The following GID8 variants were observed in gnomAD, a reference collection of about 807,000 sequenced individuals.
GID8 encodes the protein glucose-induced degradation protein 8 homolog.
GID8 carries 6 observed loss-of-function variants against 27.4 expected under a neutral mutation model. The ratio of observed to expected loss-of-function variants is 0.22; its 90% CI spans 0.12 to 0.43. GID8 has a LOEUF of 0.43. GID8 is among the 20% of genes least tolerant of loss of function. GID8 has a pLI of 1.00. For missense variants in GID8, 173 were observed against 287.6 expected (o/e 0.60, Z 2.88); for synonymous variants, 112 against 109.0 (o/e 1.03, Z -0.17).
chr20:62,944,602 G>A (rs924226979), intron 4 of GID8, 137 bp from the exon 5 acceptor site: 33 of 665,430 alleles, frequency 5.0e-5, no homozygotes, highest in African/African-American at 2.7e-4. Context: ...GCTTCCCCAG[G>A]CAAGGACTAT....
chr20:62,943,616 C>G lies in GID8; in HGVS notation c.437C>G (p.Thr146Ser). The G allele has an allele frequency of 6.2e-7, 1 of 1,613,850 alleles. No individual in the cohort carries two copies. Among genetic ancestry groups the G allele is most frequent in the South Asian group, 1.1e-5 (1 of 91,084 alleles). Residue 146 changes from threonine (T) to serine (S), a missense_variant, in exon 4 of 5, where the codon ACC becomes AGC. By Grantham distance (58) the Thr-to-Ser change is moderately conservative. Coordinates refer to ENST00000266069, the MANE Select transcript of GID8 (RefSeq NM_017896.3). This position sits in a 1 kb window ranked among gnomAD's most constrained non-coding sequence, Gnocchi z 4.7. ...SRECLTEMER[T>S]LALLAFDSPE... ...GAGTGCCTCACAGAGATGGAGCGTACCCTGGCACTGCTGGCCTTTGACAGT... is the reference window on the plus strand; with the variant it reads ...GAGTGCCTCACAGAGATGGAGCGTAGCCTGGCACTGCTGGCCTTTGACAGT...
In GID8 at chr20:62,945,380, A is replaced by G. The variant is rs1174156611; in HGVS notation, c.*468A>G. The G allele has an allele frequency of 1.0e-6, 1 of 979,248 alleles. No homozygotes were observed. The highest frequency in any genetic ancestry group is 4.7e-5 in the South Asian group (1 of 21,498). 60.7% of individuals were successfully genotyped at this position (979,248 alleles called of 1,614,324 possible). ...TGTTTTTTTTTTTTTCTTTTTCCAT[A>G]GGAAAGAATATATAAATTTGTAAAT... On this transcript the variant is annotated 3_prime_UTR_variant, in exon 5 of 5. Transcript: ENST00000266069.
intron 2 of GID8, among the ~76,000 whole-genome samples, chr20:62,942,713 A>G (rs2065448817): frequency 6.6e-6 from 1 of 152,218 alleles, no homozygotes; most frequent in South Asian, 2.1e-4. Flanking sequence ...AGCCCACACC[A>G]ACACACTGGG....
In GID8 at chr20:62,945,485, G is replaced by A; in HGVS notation, c.*573G>A. 1 of 1,020,246 alleles carries A rather than the reference G, an allele frequency of 9.8e-7. No homozygotes were observed. The highest frequency in any genetic ancestry group is 3.6e-5 in the South Asian group (1 of 27,412). 63.2% of individuals were successfully genotyped at this position (1,020,246 alleles called of 1,614,324 possible). On this transcript the variant is annotated 3_prime_UTR_variant, in exon 5 of 5. Transcript: ENST00000266069. ...TTGGTCTGGGTTGTGTGGCTTTTGG[G>A]GGATGCGTGTGAGGGGGCTATGTGT... is the stretch of plus-strand genomic sequence containing the variant.
At position 62,944,765 on chromosome 20, in the gene GID8, G is replaced by C. The variant is rs1046567908; in HGVS notation, c.540G>C (p.Val180=). 5.0e-6 allele frequency: 8 copies of C among 1,613,762 alleles called. No homozygotes were observed. The highest frequency in any genetic ancestry group is 5.9e-6 in the Non-Finnish European group (7 of 1,179,788). The change falls in exon 5 of 5, where the codon GTG becomes GTC. Residue 180 remains valine, a synonymous_variant. Transcript: ENST00000266069. ...QKVWSEVNQA[V]LDYENRESTP... ...TGTGGAGTGAAGTTAACCAAGCTGTGCTAGATTATGAAAATCGCGAGTCAA... is the reference window on the plus strand; with the variant it reads ...TGTGGAGTGAAGTTAACCAAGCTGTCCTAGATTATGAAAATCGCGAGTCAA...
Position 62,946,174 on chromosome 20 carries a change from G to A in GID8, c.*1262G>A. ...CGTGGAATTGCTGACCCATCCAAGG[G>A]CGTCCTTTGGAGCCAGTGGAGCCTG... On this transcript the variant is annotated 3_prime_UTR_variant, in exon 5 of 5. Transcript: ENST00000266069. The A allele has an allele frequency of 2.1e-6, 1 of 482,078 alleles. No homozygotes were observed. The highest frequency in any genetic ancestry group is 3.4e-6 in the Non-Finnish European group (1 of 292,792). 29.9% of individuals were successfully genotyped at this position (482,078 alleles called of 1,614,324 possible).
chr20:62,939,688 C>G (rs1237321182), intron 1 of GID8, among the ~76,000 whole-genome samples: 1 of 152,074 alleles, frequency 6.6e-6, no homozygotes, highest in African/African-American at 2.4e-5. Flanking sequence ...TGACTCTGGC[C>G]AAAGCATCTT....
At position 62,941,617 on chromosome 20, in the gene GID8, A is replaced by AC; in HGVS notation, c.116dup (p.Glu40ArgfsTer4). On this transcript the variant is annotated frameshift_variant, in exon 2 of 5. Transcript: ENST00000266069. LOFTEE classifies it high-confidence loss of function. ...CCGCCTCATCATGAACTACCTGGTC[A>AC]CAGGTAATGGCTTACAGTGAGGATG... 2.7e-6 allele frequency: 4 copies of AC among 1,497,982 alleles called. No individual in the cohort carries two copies. The highest frequency in any genetic ancestry group is 3.7e-6 in the Non-Finnish European group (4 of 1,073,716). 92.8% of individuals were successfully genotyped at this position (1,497,982 alleles called of 1,614,324 possible).
chr20:62,939,183 C>T (rs943697073), intron 1 of GID8, among the ~76,000 whole-genome samples: 3 of 152,098 alleles, frequency 2.0e-5, no homozygotes, highest in Admixed American at 6.5e-5. Flanking sequence ...AAAAGTTGGT[C>T]TCAGTGAGTT....
At chr20:62,941,331 T>G (rs989507480) in intron 1 of GID8, among the ~76,000 whole-genome samples, 160 bp from the exon 2 acceptor site, 1 of 152,270 alleles carries the variant, frequency 6.6e-6, no homozygotes. Context: ...TATTCTTTGC[T>G]AAGCATTGGC....
rs958416060 is a variant in GID8 at position 62,943,472 on chromosome 20, A to G, written c.316-23A>G. ...CCCTGGCCTGGGTGTGTGGGGGTCA[A>G]GCTTGTCTGTCTCTGCCTCCAGCAA... On this transcript the variant is annotated intron_variant, in intron 3 of 4. Transcript: ENST00000266069. This position sits in a 1 kb window ranked among gnomAD's most constrained non-coding sequence, Gnocchi z 4.7. 1.2e-6 allele frequency: 2 copies of G among 1,609,336 alleles called. No homozygotes were observed. The highest frequency in any genetic ancestry group is 2.7e-5 in the African/African-American group (2 of 74,810).
In GID8 at chr20:62,943,107, A is replaced by G; in HGVS notation, c.239A>G (p.Gln80Arg). 9.9e-6 allele frequency: 16 copies of G among 1,614,110 alleles called. No homozygotes were observed. Among genetic ancestry groups the G allele is most frequent in the Non-Finnish European group, 1.4e-5 (16 of 1,179,920 alleles). Residue 80 changes from glutamine (Q) to arginine (R), a missense_variant, in exon 3 of 5, where the codon CAG (glutamine) becomes CGG (arginine). Transcript: ENST00000266069. The surrounding 1 kb of genome is among the most constrained non-coding windows in gnomAD (Gnocchi z 4.7). ...GAGATGATACTGAAAGGTCAGATTC[A>G]GGAGGCCATCGCCTTGATCAACAGC... is the stretch of plus-strand genomic sequence containing the variant. ...IREMILKGQIQEAIALINSLH... is the reference protein window; with the variant it reads ...IREMILKGQIREAIALINSLH...
chr20:62,942,958 C>G, intron 2 of GID8, 29 bp from the exon 3 acceptor site: 1 of 1,563,680 alleles, frequency 6.4e-7, no homozygotes, highest in Non-Finnish European at 8.8e-7. Flanking sequence ...GCTAACTTTC[C>G]TAGCAGTGAA....
chr20:62,944,170 CG>C (rs2065455837), intron 4 of GID8, among the ~76,000 whole-genome samples: 1 of 152,198 alleles, frequency 6.6e-6, no homozygotes, highest in African/African-American at 2.4e-5. Context: ...CTAGGGACAA[CG>C]GACTTGGTGA....
intron 1 of GID8, among the ~76,000 whole-genome samples, 178 bp downstream of exon 1, chr20:62,938,431 C>G (rs1429866727): frequency 6.6e-6 from 1 of 151,988 alleles, no homozygotes; most frequent in Non-Finnish European, 1.5e-5. Flanking sequence ...GACGGCCGCC[C>G]CGCGCCGGTG....
In GID8 at chr20:62,945,840, G is replaced by T. The variant is rs946767489; in HGVS notation, c.*928G>T. On this transcript the variant is annotated 3_prime_UTR_variant, in exon 5 of 5. Coordinates refer to ENST00000266069, the MANE Select transcript of GID8 (RefSeq NM_017896.3). ...CGCAGAGCCCCAGCAGGTGGTGCAC[G>T]ACTGTTGGCGGAAGGAACGCGTGTT... 5 of 1,289,748 alleles carry T rather than the reference G, an allele frequency of 3.9e-6. No homozygotes were observed. Among genetic ancestry groups the T allele is most frequent in the Admixed American group, 2.3e-5 (1 of 43,576 alleles). 79.9% of individuals were successfully genotyped at this position (1,289,748 alleles called of 1,614,324 possible).
At chr20:62,941,094 C>G (rs2065441418) in intron 1 of GID8, among the ~76,000 whole-genome samples, 1 of 152,254 alleles carries the variant, frequency 6.6e-6, no homozygotes, top group Admixed American at 6.5e-5. Context: ...TGAATGAACG[C>G]TCAGGTGGGT....
chr20:62,948,365 T>C lies in GID8; in HGVS notation c.*3453T>C, dbSNP rs2065475182. On this transcript the variant is annotated 3_prime_UTR_variant, in exon 5 of 5. Coordinates refer to ENST00000266069, the MANE Select transcript of GID8 (RefSeq NM_017896.3). ...TGTACATGTTTGATTCTGTATTCTT[T>C]ATTCCAGTGTGGCATATGTGCCCCT... 1 of 152,256 alleles carries C rather than the reference T, an allele frequency of 6.6e-6. No individual in the cohort carries two copies. The highest frequency in any genetic ancestry group is 2.4e-5 in the African/African-American group (1 of 41,472). The allele number at this position is 152,256 out of a possible 1,614,324, so 9.4% of individuals were successfully genotyped here.
chr20:62,941,714 G>T, intron 2 of GID8, 94 bp downstream of exon 2: 1 of 765,794 alleles, frequency 1.3e-6, no homozygotes, highest in Non-Finnish European at 2.4e-6. Flanking sequence ...TGATGACGTA[G>T]TTATTTGTGT....
Sources: gnomAD v4.1 joint callset for allele counts (sites outside exome capture counted in the v4.1 genomes callset) on GRCh38, gnomAD v4.1.1 for gene constraint, Gnocchi (gnomAD v3.1) non-coding constraint, MANE v1.5 for transcripts, NCBI Gene and HGNC (gene_info 2026-07-23, HGNC 2026-07-21) for gene names.